Variants in CADM2 observed in about 807,000 individuals in gnomAD.
CADM2 encodes cell adhesion molecule 2.
A neutral mutation model predicts 49.8 loss-of-function variants in CADM2; 12 were observed. The observed-to-expected ratio is 0.24, with a 90% CI of 0.15 to 0.39. The LOEUF (loss-of-function observed/expected upper bound fraction) is 0.39. Among genes scored for constraint, CADM2 ranks in the 10% least tolerant of loss-of-function variants. The pLI, the probability that CADM2 is intolerant of heterozygous loss-of-function variation, is 1.00. For synonymous variants in CADM2, 214 were observed against 175.4 expected (o/e 1.22, Z -1.74); for missense variants, 378 against 492.3 (o/e 0.77, Z 2.20).
At chr3:85,927,631 G>A (rs1720044114) in intron 6 of CADM2, among the ~76,000 whole-genome samples, 1 of 152,034 alleles carries the variant, frequency 6.6e-6, no homozygotes, top group Non-Finnish European at 1.5e-5. Context: ...TGTAATATAA[G>A]CAATGCAAAT....
At chr3:85,150,193 G>T (rs1347783779) in intron 1 of CADM2, among the ~76,000 whole-genome samples, 1 of 152,134 alleles carries the variant, frequency 6.6e-6, no homozygotes, top group Non-Finnish European at 1.5e-5. Flanking sequence ...AGGTTTTAGA[G>T]GATGACAAGA....
rs1414595998 is a variant in CADM2 at position 85,410,591 on chromosome 3, C to G, written c.62-315931C>G. The stretch of plus-strand genomic sequence containing the variant: ...TTAAAATAGAAAGAATTGGATTAAA[C>G]AAGCTAGTAAAATTACATGAGGTCT... On this transcript the variant is annotated intron_variant, in intron 1 of 9. Transcript: ENST00000383699. 2.0e-5 allele frequency among the ~76,000 whole-genome samples: 3 copies of G among 152,052 alleles called. 1 individual carries two copies. Among genetic ancestry groups the G allele is most frequent in the African/African-American group, 7.2e-5 (3 of 41,394 alleles).
At chr3:85,727,608 A>C (rs2067755181) in intron 2 of CADM2, among the ~76,000 whole-genome samples, 1 of 152,200 alleles carries the variant, frequency 6.6e-6, no homozygotes, top group African/African-American at 2.4e-5. Flanking sequence ...TAATGAATAC[A>C]TGTCTATAAA....
At chr3:85,932,515 T>C (rs1025834182) in intron 6 of CADM2, among the ~76,000 whole-genome samples, 1 of 152,098 alleles carries the variant, frequency 6.6e-6, no homozygotes, top group African/African-American at 2.4e-5. Flanking sequence ...TTGAATCCCA[T>C]TCACCCTGAT....
chr3:84,989,285 C>T (rs2032755528), intron 1 of CADM2, among the ~76,000 whole-genome samples: 1 of 152,176 alleles, frequency 6.6e-6, no homozygotes, highest in South Asian at 2.1e-4. Context: ...GCTTCCCTTC[C>T]TGCCCTTTGG....
At chr3:85,677,045 T>C (rs76023283) in intron 1 of CADM2, among the ~76,000 whole-genome samples, 1,583 of 152,278 alleles carry the variant, frequency 0.01, 30 homozygotes, top group African/African-American at 0.037. Context: ...CAGGCCCACA[T>C]AGGACACTTC....
chr3:85,103,320 A>T (rs1382555620), intron 1 of CADM2, among the ~76,000 whole-genome samples: 1 of 152,152 alleles, frequency 6.6e-6, no homozygotes, highest in Non-Finnish European at 1.5e-5. Context: ...TAAATAAAAA[A>T]ATTTAGTGTA....
At chr3:86,059,821 G>T (rs954946153) in intron 8 of CADM2, among the ~76,000 whole-genome samples, 2 of 151,962 alleles carry the variant, frequency 1.3e-5, no homozygotes, top group African/African-American at 4.8e-5. Context: ...CCAAACATTT[G>T]TTTTAGTTGC....
At chr3:85,393,390 A>C (rs2107405782) in intron 1 of CADM2, among the ~76,000 whole-genome samples, 1 of 152,322 alleles carries the variant, frequency 6.6e-6, no homozygotes. Flanking sequence ...AGCACATGTC[A>C]ATGATGGGAG....
chr3:85,544,309 T>C (rs1671014320), intron 1 of CADM2, among the ~76,000 whole-genome samples: 1 of 152,166 alleles, frequency 6.6e-6, no homozygotes. Context: ...CCGGGCGCGG[T>C]TGCTCACGCC....
intron 8 of CADM2, among the ~76,000 whole-genome samples, chr3:85,983,855 T>G (rs1020041129): frequency 6.6e-6 from 1 of 151,522 alleles, no homozygotes; most frequent in Admixed American, 6.6e-5. Flanking sequence ...TGTCTGTCCT[T>G]TGAAGTATAA....
chr3:85,836,634 T>C (rs2074421964), intron 3 of CADM2, among the ~76,000 whole-genome samples: 1 of 151,556 alleles, frequency 6.6e-6, no homozygotes, highest in Admixed American at 6.6e-5. Flanking sequence ...TTAATGGGAC[T>C]GAAATAGAGG....
chr3:85,770,888 A>G (rs2070049135), intron 2 of CADM2, among the ~76,000 whole-genome samples: 1 of 152,160 alleles, frequency 6.6e-6, no homozygotes, highest in African/African-American at 2.4e-5. Flanking sequence ...ATAATTTTCA[A>G]AGGGCAGATA....
chr3:85,504,621 A>G (rs998463589), intron 1 of CADM2, among the ~76,000 whole-genome samples: 7 of 152,186 alleles, frequency 4.6e-5, no homozygotes, highest in South Asian at 2.1e-4. Flanking sequence ...CACCCAGTAG[A>G]TACCTCACCG....
intron 1 of CADM2, among the ~76,000 whole-genome samples, chr3:85,694,835 G>T (rs1254222350): frequency 2.0e-5 from 3 of 151,948 alleles, no homozygotes; most frequent in African/African-American, 7.3e-5. Context: ...GGTGGCACAC[G>T]TTTATTGTCC....
In CADM2 at chr3:86,074,409, T is replaced by A. The variant is rs919682672; in HGVS notation, c.*7626T>A. The A allele has an allele frequency of 3.3e-5, 5 of 152,020 alleles. No individual in the cohort carries two copies. Among genetic ancestry groups the A allele is most frequent in the Non-Finnish European group, 2.9e-5 (2 of 67,908 alleles). 9.4% of individuals were successfully genotyped at this position (152,020 alleles called of 1,614,324 possible). On this transcript the variant is annotated 3_prime_UTR_variant, in exon 10 of 10. Coordinates refer to ENST00000383699, the MANE Select transcript of CADM2 (RefSeq NM_001167675.2). ...AGACCATGAAATATTCCATTAAAAT[T>A]TATCTGTAAATACAAGGCAAGATTT...
At chr3:85,186,888 T>C (rs1326999665) in intron 1 of CADM2, among the ~76,000 whole-genome samples, 1 of 152,174 alleles carries the variant, frequency 6.6e-6, no homozygotes, top group African/African-American at 2.4e-5. Flanking sequence ...AAAGGTGAGA[T>C]TCCTTTGCTT....
At chr3:86,059,470 T>C (rs1027235765) in intron 8 of CADM2, among the ~76,000 whole-genome samples, 4 of 152,232 alleles carry the variant, frequency 2.6e-5, no homozygotes, top group Admixed American at 1.3e-4. Flanking sequence ...GCTTTATGTT[T>C]ACAATATCTT....
chr3:85,837,264 TA>T, intron 3 of CADM2, among the ~76,000 whole-genome samples: 1 of 151,718 alleles, frequency 6.6e-6, no homozygotes, highest in African/African-American at 2.4e-5. Flanking sequence ...GCCACTAAAA[TA>T]AAGGGAAAAT....
Sources: gnomAD v4.1 joint callset for allele counts (sites outside exome capture counted in the v4.1 genomes callset) on GRCh38, gnomAD v4.1.1 for gene constraint, MANE v1.5 for transcripts, NCBI Gene and HGNC (gene_info 2026-07-23, HGNC 2026-07-21) for gene names.